The following NFYC variants were observed in gnomAD, a reference collection of about 807,000 sequenced individuals.
The protein encoded by NFYC is nuclear transcription factor Y subunit gamma.
In NFYC, 25 loss-of-function variants were observed where a neutral mutation model predicts 53.1. The ratio of observed to expected loss-of-function variants is 0.47; its 90% CI spans 0.34 to 0.66. The LOEUF (loss-of-function observed/expected upper bound fraction) is 0.66. NFYC is among the 30% of genes least tolerant of loss of function. NFYC has a pLI of 0.01. For missense variants in NFYC, 260 were observed against 422.7 expected, an observed-to-expected ratio of 0.62 and a Z score of 3.38; for synonymous variants, 145 against 152.6, an observed-to-expected ratio of 0.95 and a Z score of 0.37.
Position 40,770,256 on chromosome 1 carries a change from A to G in NFYC, c.889-453A>G, listed in dbSNP as rs759169601. 39 of 860,666 alleles carry G rather than the reference A, an allele frequency of 4.5e-5. No individual in the cohort carries two copies. Among genetic ancestry groups the G allele is most frequent in the Non-Finnish European group, 6.1e-5 (35 of 571,688 alleles). 53.3% of individuals were successfully genotyped at this position (860,666 alleles called of 1,614,324 possible). A position where few individuals can be genotyped will look rare whatever the true frequency, so the allele number is the denominator to read the frequency against. On this transcript the variant is annotated intron_variant, in intron 9 of 9. Transcript: ENST00000447388. This position sits in a 1 kb window ranked among gnomAD's most constrained non-coding sequence, Gnocchi z 5.3. ...AAAATTCAAATTCAGTTTAGTTTCA[A>G]CCTGAGCCAGATATTCTGAGAAAAG...
chr1:40,758,150 C>T lies in NFYC; in HGVS notation c.417C>T (p.Ala139=), dbSNP rs142039630. The T allele has an allele frequency of 6.3e-4, 1,012 of 1,609,148 alleles. 3 individuals carry two copies. Among genetic ancestry groups the T allele is most frequent in the Admixed American group, 8.3e-4 (49 of 59,374 alleles). ...AGGTGCGCCAGTCTGTAACTCCTGC[C>T]GAGCCAGTCCAGTACTATTTCACGC... ...QEEVRQSVTP[A]EPVQYYFTLA... Residue 139 remains alanine (A), a synonymous_variant, in exon 6 of 10, where the codon GCC becomes GCT. Coordinates refer to ENST00000447388, the MANE Select transcript of NFYC (RefSeq NM_014223.5).
intron 1 of NFYC, among the ~76,000 whole-genome samples, chr1:40,737,950 T>C (rs1222918695): frequency 6.9e-6 from 1 of 145,618 alleles, no homozygotes. Context: ...TCGCCCAGGC[T>C]GGAGTGCAGT....
At position 40,766,579 on chromosome 1, in the gene NFYC, C is replaced by T. The variant is rs1272719095; in HGVS notation, c.721-17C>T. 6 of 1,596,794 alleles carry T rather than the reference C, an allele frequency of 3.8e-6. No individual in the cohort carries two copies. The highest frequency in any genetic ancestry group is 5.1e-6 in the Non-Finnish European group (6 of 1,167,070). On this transcript the variant is annotated splice_polypyrimidine_tract_variant and intron_variant, in intron 7 of 9. Coordinates refer to ENST00000447388, the MANE Select transcript of NFYC (RefSeq NM_014223.5). ...ACTCAATGTCTTATGGTCTCTTTGT[C>T]TCTGCCCCTGCCCTAGGTGCAGCTG...
chr1:40,707,542 G>A (rs1263135838), intron 1 of NFYC, among the ~76,000 whole-genome samples: 3 of 149,220 alleles, frequency 2.0e-5, no homozygotes, highest in Non-Finnish European at 3.0e-5. Flanking sequence ...AGTGGCTCAC[G>A]CCTGTAATCC....
At chr1:40,759,695 G>T (rs1557908444) in intron 6 of NFYC, among the ~76,000 whole-genome samples, 1 of 151,956 alleles carries the variant, frequency 6.6e-6, no homozygotes, top group Non-Finnish European at 1.5e-5. Flanking sequence ...GTTTCTGAAG[G>T]GAATAATATG....
chr1:40,705,231 A>G (rs913022437), intron 1 of NFYC, among the ~76,000 whole-genome samples: 1 of 152,234 alleles, frequency 6.6e-6, no homozygotes, highest in African/African-American at 2.4e-5. Context: ...TTGTTTTGCC[A>G]TACTGGCACT....
At chr1:40,759,970 T>C (rs952596032) in intron 6 of NFYC, among the ~76,000 whole-genome samples, 6 of 152,220 alleles carry the variant, frequency 3.9e-5, no homozygotes, top group Admixed American at 1.3e-4. Context: ...TTGATGTTTT[T>C]TTAAAGATAA....
At chr1:40,767,112 A>G in intron 8 of NFYC, 2 of 808,330 alleles carry the variant, frequency 2.5e-6, no homozygotes, top group Non-Finnish European at 4.1e-6. Context: ...TTTTACCCCT[A>G]CCTCCTCTTG....
At chr1:40,709,653 A>G (rs180703225) in intron 1 of NFYC, 1 of 152,294 alleles carries the variant, frequency 6.6e-6, no homozygotes, top group Admixed American at 6.5e-5. Context: ...GAAATGATAG[A>G]AACTGTTTAG....
At chr1:40,754,911 G>T (rs1646128771) in intron 5 of NFYC, among the ~76,000 whole-genome samples, 1 of 152,134 alleles carries the variant, frequency 6.6e-6, no homozygotes, top group African/African-American at 2.4e-5. Context: ...TTGTTGCTTG[G>T]ATTTAGTTCT....
intron 1 of NFYC, among the ~76,000 whole-genome samples, chr1:40,692,506 C>T (rs925106031): frequency 7.2e-5 from 11 of 152,056 alleles, no homozygotes; most frequent in African/African-American, 2.7e-4. Context: ...TGAGAGTCTT[C>T]GAGATCCAGG....
chr1:40,709,658 G>C (rs541082674), intron 1 of NFYC: 1 of 152,298 alleles, frequency 6.6e-6, no homozygotes, highest in South Asian at 2.1e-4. Flanking sequence ...GATAGAAACT[G>C]TTTAGCTTCA....
intron 3 of NFYC, 68 bp from the exon 4 acceptor site, chr1:40,749,505 G>A (rs1289809100): frequency 6.4e-6 from 8 of 1,251,454 alleles, no homozygotes; most frequent in Non-Finnish European, 9.4e-6. Context: ...GCCAGGCAAT[G>A]AGGCAAGAGA....
At chr1:40,741,062 C>A (rs1645314882) in intron 2 of NFYC, among the ~76,000 whole-genome samples, 1 of 151,974 alleles carries the variant, frequency 6.6e-6, no homozygotes, top group Admixed American at 6.6e-5. Flanking sequence ...TATTGCAGTA[C>A]TGAAACTGTG....
chr1:40,738,812 T>C (rs748892248), intron 1 of NFYC, 24 bp from the exon 2 acceptor site: 1 of 1,532,732 alleles, frequency 6.5e-7, no homozygotes, highest in South Asian at 1.1e-5. Context: ...TTCTAATGTG[T>C]CTTATGTATG....
chr1:40,754,287 G>A, intron 5 of NFYC: 1 of 533,580 alleles, frequency 1.9e-6, no homozygotes. Context: ...GAGGGCCTTT[G>A]GATTAGCAAG....
chr1:40,744,344 A>G (rs538565115), intron 2 of NFYC, among the ~76,000 whole-genome samples: 1 of 152,228 alleles, frequency 6.6e-6, no homozygotes, highest in Non-Finnish European at 1.5e-5. Flanking sequence ...GAGAGAGCTC[A>G]GGCATCTTGT....
chr1:40,715,105 TA>T (rs781609743), intron 1 of NFYC, among the ~76,000 whole-genome samples: 11 of 149,338 alleles, frequency 7.4e-5, no homozygotes, highest in Non-Finnish European at 1.5e-4. Flanking sequence ...AATAAATAAA[TA>T]AATAAATAAT....
At chr1:40,768,853 AG>A (rs1212142812) in intron 8 of NFYC, 1 of 156,428 alleles carries the variant, frequency 6.4e-6, no homozygotes, top group African/African-American at 2.4e-5. Flanking sequence ...GCTGGGACCA[AG>A]GCCACTTGCT....
Sources: gnomAD v4.1 joint callset for allele counts (sites outside exome capture counted in the v4.1 genomes callset) on GRCh38, gnomAD v4.1.1 for gene constraint, Gnocchi (gnomAD v3.1) non-coding constraint, MANE v1.5 for transcripts, NCBI Gene and HGNC (gene_info 2026-07-23, HGNC 2026-07-21) for gene names.